The following RGS7 variants were observed in gnomAD, a reference collection of about 807,000 sequenced individuals.
The protein encoded by RGS7 is regulator of G-protein signaling 7.
A neutral mutation model predicts 81.1 loss-of-function variants in RGS7; 27 were observed. The ratio of observed to expected loss-of-function variants is 0.33; its 90% CI spans 0.25 to 0.46. The LOEUF (loss-of-function observed/expected upper bound fraction) is 0.46, where lower values mean the gene tolerates loss of function less well. Ranked by LOEUF, RGS7 falls within the 20% of genes least tolerant of loss-of-function variation. RGS7 has a pLI of 1.00. For missense variants in RGS7, 396 were observed against 607.4 expected (o/e 0.65, Z 3.66); for synonymous variants, 208 against 207.7 (o/e 1.00, Z -0.01).
intron 18 of RGS7, among the ~76,000 whole-genome samples, chr1:240,782,777 G>C (rs947960301): frequency 6.6e-6 from 1 of 152,106 alleles, no homozygotes; most frequent in Non-Finnish European, 1.5e-5. Context: ...GAAATGAAAA[G>C]GGCTAACAAA....
chr1:241,286,628 C>T (rs1415779469), intron 2 of RGS7, among the ~76,000 whole-genome samples: 2 of 152,180 alleles, frequency 1.3e-5, no homozygotes, highest in African/African-American at 4.8e-5. Context: ...CCTCGGAACT[C>T]CTCCTTCTCC....
chr1:241,019,407 GCA>G (rs1347644350), intron 3 of RGS7, among the ~76,000 whole-genome samples: 2 of 151,858 alleles, frequency 1.3e-5, no homozygotes, highest in African/African-American at 4.8e-5. Flanking sequence ...TGCGCAACAT[GCA>G]GGTTTGTTGC....
At chr1:241,128,783 A>C (rs1431774399) in intron 2 of RGS7, among the ~76,000 whole-genome samples, 1 of 147,756 alleles carries the variant, frequency 6.8e-6, no homozygotes. Context: ...TAGGCAAAAA[A>C]AAAAAAAAAA....
chr1:241,224,102 AT>A (rs2075173489), intron 2 of RGS7, among the ~76,000 whole-genome samples: 1 of 149,998 alleles, frequency 6.7e-6, no homozygotes, highest in African/African-American at 2.5e-5. Flanking sequence ...TCTTTAATTT[AT>A]TTTTTAATTA....
chr1:240,851,653 A>G (rs1473169715), intron 9 of RGS7, among the ~76,000 whole-genome samples: 2 of 152,250 alleles, frequency 1.3e-5, no homozygotes, highest in Non-Finnish European at 2.9e-5. Context: ...CAAAGGGGTC[A>G]TCATTCTAGA....
At chr1:241,018,317 T>A (rs948513969) in intron 3 of RGS7, among the ~76,000 whole-genome samples, 1 of 151,880 alleles carries the variant, frequency 6.6e-6, no homozygotes, top group African/African-American at 2.4e-5. Flanking sequence ...TTTTTCCTCA[T>A]GTTTTCGCAT....
intron 2 of RGS7, among the ~76,000 whole-genome samples, chr1:241,131,177 T>C (rs1211766239): frequency 6.6e-6 from 1 of 152,154 alleles, no homozygotes; most frequent in African/African-American, 2.4e-5. Context: ...TCCAGTGTCA[T>C]GCATGAGTCA....
intron 5 of RGS7, among the ~76,000 whole-genome samples, chr1:240,932,231 G>A (rs1168012776): frequency 6.6e-6 from 1 of 151,972 alleles, no homozygotes; most frequent in Non-Finnish European, 1.5e-5. Context: ...TTCTTTCTTG[G>A]GAATTACAGT....
intron 6 of RGS7, among the ~76,000 whole-genome samples, chr1:240,898,882 A>G (rs556028692): frequency 6.2e-4 from 95 of 152,136 alleles, no homozygotes; most frequent in African/African-American, 2.2e-3. Flanking sequence ...TGACAGTGGG[A>G]TGTTAAAATC....
chr1:241,226,194 G>C (rs1470652838), intron 2 of RGS7, among the ~76,000 whole-genome samples: 2 of 151,848 alleles, frequency 1.3e-5, no homozygotes, highest in African/African-American at 4.8e-5. Context: ...AAAAGGAAAA[G>C]AAAAAAAGGA....
chr1:240,981,942 C>T (rs1311792790), intron 4 of RGS7, among the ~76,000 whole-genome samples: 1 of 152,140 alleles, frequency 6.6e-6, no homozygotes, highest in African/African-American at 2.4e-5. Flanking sequence ...TCCTCTCTAT[C>T]GATAGAAGGG....
intron 3 of RGS7, among the ~76,000 whole-genome samples, chr1:241,000,633 A>ATTTCT (rs10536488): frequency 0.026 from 3,934 of 150,676 alleles, 54 homozygotes; most frequent in African/African-American, 0.029. Context: ...TTCCTCATTT[A>ATTTCT]TTTCTTTTCT....
chr1:240,811,787 C>T, intron 14 of RGS7, 131 bp downstream of exon 14: 1 of 862,818 alleles, frequency 1.2e-6, no homozygotes, highest in Non-Finnish European at 1.9e-6. Context: ...CATTAGGTGG[C>T]AGAAATTCAA....
At chr1:241,212,440 C>T (rs888140483) in intron 2 of RGS7, among the ~76,000 whole-genome samples, 13 of 152,096 alleles carry the variant, frequency 8.5e-5, no homozygotes, top group East Asian at 1.9e-4. Context: ...TTCTTATTAG[C>T]GTATGCATTT....
chr1:240,823,233 C>A, intron 10 of RGS7: 1 of 736,080 alleles, frequency 1.4e-6, no homozygotes, highest in Non-Finnish European at 2.5e-6. Context: ...GGTAGAGGGT[C>A]CATCCTATGC....
intron 4 of RGS7, among the ~76,000 whole-genome samples, chr1:240,977,896 G>C (rs1684380203): frequency 6.6e-6 from 1 of 152,178 alleles, no homozygotes; most frequent in African/African-American, 2.4e-5. Context: ...ATCAGCCATG[G>C]CCATGTCTTG....
At chr1:240,934,771 A>G (rs1676301625) in intron 5 of RGS7, among the ~76,000 whole-genome samples, 1 of 151,750 alleles carries the variant, frequency 6.6e-6, no homozygotes, top group African/African-American at 2.4e-5. Context: ...TAGTAGTTAC[A>G]TAATTCATAT....
At chr1:240,836,417 G>C (rs1476149617) in intron 9 of RGS7, among the ~76,000 whole-genome samples, 1 of 152,188 alleles carries the variant, frequency 6.6e-6, no homozygotes, top group Non-Finnish European at 1.5e-5. Flanking sequence ...GGGTTTGCCT[G>C]CCAGCACTAG....
chr1:241,068,238 G>GTGTGTGTGTATATATATA, intron 3 of RGS7, among the ~76,000 whole-genome samples: 1 of 35,660 alleles, frequency 2.8e-5, no homozygotes, highest in African/African-American at 9.5e-5. Flanking sequence ...GTGTGTGTGT[G>GTGTGTGTGTATATATATA]TATATATATA....
Sources: allele counts gnomAD v4.1 joint callset (sites outside exome capture counted in the v4.1 genomes callset), GRCh38; gene constraint gnomAD v4.1.1; transcripts MANE v1.5; gene names NCBI Gene and HGNC (gene_info 2026-07-23, HGNC 2026-07-21).